Variants in TACR2 observed in about 807,000 individuals in gnomAD.
TACR2 encodes substance-K receptor.
In TACR2, 24 loss-of-function variants were observed where a neutral mutation model predicts 28.9. That is an observed-to-expected ratio of 0.83 (90% CI 0.60 to 1.17). The LOEUF is 1.17. TACR2 is among the 50% of genes most tolerant of loss of function. The pLI is 0.00. For synonymous variants in TACR2, 222 were observed against 212.6 expected (o/e 1.04, Z -0.38); for missense variants, 487 against 524.4 (o/e 0.93, Z 0.70).
intron 3 of TACR2, among the ~76,000 whole-genome samples, chr10:69,408,463 T>G (rs77632815): frequency 6.6e-6 from 1 of 151,852 alleles, no homozygotes; most frequent in Non-Finnish European, 1.5e-5. Context: ...AATTTTTTTT[T>G]GTCTTTTTTT....
Position 69,404,888 on chromosome 10 carries a change from C to T in TACR2, c.1135G>A (p.Gly379Arg), listed in dbSNP as rs773456924. The change falls in exon 5 of 5, where the codon GGA (glycine) becomes AGA (arginine). Residue 379 changes from glycine to arginine, a missense_variant. Gly to Arg is a moderately radical substitution (Grantham distance 125, BLOSUM62 -2). Coordinates refer to ENST00000373306, the MANE Select transcript of TACR2 (RefSeq NM_001057.3). ...TSGEAGRPQD[G>R]SGLWFGYGLL... Reference sequence around the variant, plus strand: ...CCATACCCAAACCATAGCCCTGATCCATCCTGGGGACGCCCCGCCTCCCCA... The same window carrying T: ...CCATACCCAAACCATAGCCCTGATCTATCCTGGGGACGCCCCGCCTCCCCA... The T allele has an allele frequency of 6.2e-6, 10 of 1,612,426 alleles. No individual in the cohort carries two copies. The South Asian group carries it at 1.1e-4, about 18-fold the overall frequency.
Position 69,404,899 on chromosome 10 carries a change from C to A in TACR2, c.1124G>T (p.Arg375Leu). The A allele has an allele frequency of 6.2e-7, 1 of 1,613,312 alleles. No individual in the cohort carries two copies. The highest frequency in any genetic ancestry group is 1.1e-5 in the South Asian group (1 of 91,002). ...CCATAGCCCTGATCCATCCTGGGGA[C>A]GCCCCGCCTCCCCACTGGTAGCCTC... The part of the protein sequence containing the change: ...PSEATSGEAG[R>L]PQDGSGLWFG... The change falls in exon 5 of 5, where the codon CGT (arginine) becomes CTT (leucine). Residue 375 changes from arginine to leucine, a missense_variant. By Grantham distance (102) the Arg-to-Leu change is moderately radical. Coordinates refer to ENST00000373306, the MANE Select transcript of TACR2 (RefSeq NM_001057.3).
intron 2 of TACR2, among the ~76,000 whole-genome samples, chr10:69,414,274 G>C (rs545335277): frequency 6.6e-6 from 1 of 152,306 alleles, no homozygotes; most frequent in East Asian, 1.9e-4. Context: ...TCATGGACTC[G>C]TTCTGCCTCA....
At chr10:69,415,826 A>G (rs2133013313) in intron 1 of TACR2, 106 bp downstream of exon 1, 3 of 1,373,390 alleles carry the variant, frequency 2.2e-6, no homozygotes, top group East Asian at 4.6e-5. Context: ...AGCCATTCCC[A>G]TGGTTCTACC....
At chr10:69,407,025 AC>A in intron 4 of TACR2, 58 bp downstream of exon 4, 1 of 1,580,138 alleles carries the variant, frequency 6.3e-7, no homozygotes, top group Non-Finnish European at 8.7e-7. Flanking sequence ...AGGGGAGCCC[AC>A]CTGGGGCTGG....
In TACR2 at chr10:69,415,080, A is replaced by G. The variant is rs765539277; in HGVS notation, c.452T>C (p.Val151Ala). The stretch of plus-strand genomic sequence containing the variant: ...AGCCACCAGCCAGATGCCAGCAATA[A>G]CCGCCTTGGTGCTGGGAGCTGAAAG... ...PRLSAPSTKA[V>A]IAGIWLVALA... The change falls in exon 2 of 5, where the codon GTT (valine) becomes GCT (alanine). Residue 151 changes from valine to alanine, a missense_variant. Val to Ala is a moderately conservative substitution (Grantham distance 64). Transcript: ENST00000373306. 2 of 1,613,376 alleles carry G rather than the reference A, an allele frequency of 1.2e-6. No homozygotes were observed. The highest frequency in any genetic ancestry group is 1.7e-6 in the Non-Finnish European group (2 of 1,179,956).
At chr10:69,410,556 C>A (rs370603586) in intron 2 of TACR2, among the ~76,000 whole-genome samples, 2 of 149,932 alleles carry the variant, frequency 1.3e-5, no homozygotes, top group East Asian at 2.0e-4. Flanking sequence ...GTCCCCAGTT[C>A]TCAGATCTCT....
intron 2 of TACR2, among the ~76,000 whole-genome samples, chr10:69,409,910 T>TACATATATATATATAC (rs1411082720): frequency 9.1e-5 from 2 of 21,966 alleles, no homozygotes; most frequent in Admixed American, 4.7e-4. Flanking sequence ...TATACATATA[T>TACATATATATATATAC]ATATATATAT....
rs77038916 is a variant in TACR2, at chr10:69,408,971, C to T, written c.692G>A (p.Gly231Glu). Residue 231 changes from glycine to glutamate, a missense_variant, in exon 3 of 5, where the codon GGA (glycine) becomes GAA (glutamate). Gly to Glu is a moderately conservative substitution (Grantham distance 98). Transcript: ENST00000373306. ...GLTLWRRAVP[G>E]HQAHGANLRH... ...CAGGTTGGCACCGTGCGCCTGATGT[C>T]CGGGCACTGCGCGCCTCCAGAGCGT... The T allele has an allele frequency of 0.025, 39,795 of 1,601,074 alleles. 6,733 individuals carry two copies. The East Asian group carries it at 0.46, about 18-fold the overall frequency.
intron 3 of TACR2, among the ~76,000 whole-genome samples, chr10:69,407,698 G>C (rs1476570745): frequency 6.6e-6 from 1 of 152,128 alleles, no homozygotes; most frequent in Non-Finnish European, 1.5e-5. Flanking sequence ...ATCCGTATCG[G>C]CACAGCCCTT....
rs146560837 is a variant in TACR2, at chr10:69,404,815, C to CCA, written c.*9_*10dup. 2,438 of 1,464,852 alleles carry CCA rather than the reference C, an allele frequency of 1.7e-3. 45 individuals are homozygous for CCA. In the African/African-American group the frequency reaches 0.031, roughly 19 times the overall value. 90.7% of individuals were successfully genotyped at this position (1,464,852 alleles called of 1,614,324 possible). On this transcript the variant is annotated 3_prime_UTR_variant, in exon 5 of 5. Transcript: ENST00000373306. ...CACTAACCCCTACCTCCCAACACTG[C>CCA]CACATTGGGATCAAATTTCAACATG... is the stretch of plus-strand genomic sequence containing the variant.
chr10:69,413,191 G>A (rs747920859), intron 2 of TACR2, among the ~76,000 whole-genome samples: 2 of 152,112 alleles, frequency 1.3e-5, no homozygotes, highest in African/African-American at 2.4e-5. Flanking sequence ...ACAGTTACAT[G>A]AGCCTGTGTG....
At position 69,404,835 on chromosome 10, in the gene TACR2, A is replaced by T; in HGVS notation, c.1188T>A (p.Val396=). Residue 396 remains valine (V), a synonymous_variant, in exon 5 of 5, where the codon GTT becomes GTA. Transcript: ENST00000373306. ...YGLLAPTKTH[V]EI is the part of the protein sequence containing the mutation. ...CACTGCCACATTGGGATCAAATTTC[A>T]ACATGAGTTTTGGTGGGGGCAAGCA... The T allele has an allele frequency of 6.5e-7, 1 of 1,538,192 alleles. No individual in the cohort carries two copies. Among genetic ancestry groups the T allele is most frequent in the Non-Finnish European group, 8.8e-7 (1 of 1,135,308 alleles).
chr10:69,415,243 T>C, intron 1 of TACR2, 104 bp from the exon 2 acceptor site: 2 of 1,237,950 alleles, frequency 1.6e-6, no homozygotes, highest in Non-Finnish European at 2.2e-6. Flanking sequence ...TTCTAGCCAT[T>C]CCCCGCACTG....
intron 4 of TACR2, among the ~76,000 whole-genome samples, chr10:69,405,712 G>T (rs1840496012): frequency 6.6e-6 from 1 of 152,228 alleles, no homozygotes; most frequent in Non-Finnish European, 1.5e-5. Context: ...GTGATGTCAG[G>T]ATCTTGTAGA....
intron 3 of TACR2, among the ~76,000 whole-genome samples, chr10:69,408,608 GTTTC>G (rs1840526056): frequency 6.6e-6 from 1 of 152,042 alleles, no homozygotes; most frequent in South Asian, 2.1e-4. Context: ...CGCCCGGCAA[GTTTC>G]TTTAATTTTG....
intron 2 of TACR2, among the ~76,000 whole-genome samples, chr10:69,409,896 T>TATATATATATACAC (rs1453338217): frequency 6.7e-5 from 1 of 14,840 alleles, no homozygotes; most frequent in East Asian, 1.1e-3. Context: ...TATACATATA[T>TATATATATATACAC]ATATATACAT....
intron 3 of TACR2, among the ~76,000 whole-genome samples, chr10:69,407,694 A>G (rs1238924812): frequency 6.6e-6 from 1 of 152,004 alleles, no homozygotes; most frequent in Non-Finnish European, 1.5e-5. Context: ...TGGGATCCGT[A>G]TCGGCACAGC....
chr10:69,409,254 G>T (rs1840538830), intron 2 of TACR2, 179 bp from the exon 3 acceptor site: 1 of 543,682 alleles, frequency 1.8e-6, no homozygotes, highest in South Asian at 4.9e-5. Flanking sequence ...GGTAGCCTGT[G>T]TGCCAGGAGA....
Sources: allele counts gnomAD v4.1 joint callset (sites outside exome capture counted in the v4.1 genomes callset), GRCh38; gene constraint gnomAD v4.1.1; transcripts MANE v1.5; gene names NCBI Gene and HGNC (gene_info 2026-07-23, HGNC 2026-07-21).